Variants in SPOCK1 observed in about 807,000 individuals in gnomAD.
SPOCK1 encodes SPARC (osteonectin), cwcv and kazal like domains proteoglycan 1.
A neutral mutation model predicts 55.3 loss-of-function variants in SPOCK1; 23 were observed. The ratio of observed to expected loss-of-function variants is 0.42; its 90% CI spans 0.30 to 0.59. The LOEUF (loss-of-function observed/expected upper bound fraction) is 0.59, where lower values mean the gene tolerates loss of function less well. SPOCK1 is among the 20% of genes least tolerant of loss of function. The probability of loss-of-function intolerance (pLI) is 0.22; values close to 1 mark genes in which losing one functional copy is unlikely to be tolerated. For synonymous variants in SPOCK1, 226 were observed against 221.0 expected, an observed-to-expected ratio of 1.02 and a Z score of -0.20; for missense variants, 499 against 552.5, an observed-to-expected ratio of 0.90 and a Z score of 0.97.
At chr5:137,110,658 G>T (rs1753450402) in intron 5 of SPOCK1, among the ~76,000 whole-genome samples, 1 of 152,208 alleles carries the variant, frequency 6.6e-6, no homozygotes, top group Non-Finnish European at 1.5e-5. Context: ...GCTGAGATGG[G>T]CTATGGCTAT....
At chr5:137,255,326 G>C (rs987855013) in intron 3 of SPOCK1, among the ~76,000 whole-genome samples, 3 of 152,184 alleles carry the variant, frequency 2.0e-5, no homozygotes, top group Non-Finnish European at 4.4e-5. Context: ...ATAGTGCTCT[G>C]TGTGTCCTTC....
chr5:137,450,945 C>A (rs562406607), intron 2 of SPOCK1, among the ~76,000 whole-genome samples: 1 of 152,278 alleles, frequency 6.6e-6, no homozygotes, highest in South Asian at 2.1e-4. Flanking sequence ...CACAGCTCAT[C>A]TTCCCTGCCC....
chr5:137,167,876 G>T (rs896872889), intron 3 of SPOCK1, among the ~76,000 whole-genome samples: 2 of 151,758 alleles, frequency 1.3e-5, no homozygotes, highest in Non-Finnish European at 2.9e-5. Flanking sequence ...CAAAAAAGAA[G>T]AAAAATGTCA....
intron 2 of SPOCK1, among the ~76,000 whole-genome samples, chr5:137,320,137 A>G (rs1472089362): frequency 1.3e-5 from 2 of 152,226 alleles, no homozygotes; most frequent in Admixed American, 1.3e-4. Context: ...ACAGCTCATG[A>G]TCAAAAAGAA....
chr5:137,430,200 C>T (rs1752715113), intron 2 of SPOCK1, among the ~76,000 whole-genome samples: 1 of 152,254 alleles, frequency 6.6e-6, no homozygotes, highest in Non-Finnish European at 1.5e-5. Context: ...AAAAAGATGA[C>T]ATTGCTGGCT....
chr5:137,479,396 G>C (rs898480732), intron 2 of SPOCK1, among the ~76,000 whole-genome samples: 1 of 152,210 alleles, frequency 6.6e-6, no homozygotes, highest in South Asian at 2.1e-4. Context: ...CTATAGGTGA[G>C]AGGACTTTAG....
chr5:137,201,777 C>T (rs1363262010), intron 3 of SPOCK1, among the ~76,000 whole-genome samples: 4 of 152,186 alleles, frequency 2.6e-5, no homozygotes, highest in African/African-American at 9.6e-5. Flanking sequence ...CTACAGTAAA[C>T]GGTACACACT....
intron 2 of SPOCK1, among the ~76,000 whole-genome samples, chr5:137,317,758 G>A (rs1757906518): frequency 6.6e-6 from 1 of 152,182 alleles, no homozygotes; most frequent in Non-Finnish European, 1.5e-5. Context: ...AAGCATTCAT[G>A]ACAAAAGAGA....
intron 3 of SPOCK1, among the ~76,000 whole-genome samples, chr5:137,237,634 A>G (rs960347174): frequency 4.6e-5 from 7 of 152,244 alleles, no homozygotes; most frequent in African/African-American, 1.7e-4. Context: ...GGAAAGAAGA[A>G]AGAATATTTT....
At chr5:137,275,472 A>T (rs1206674889) in intron 2 of SPOCK1, among the ~76,000 whole-genome samples, 2 of 152,138 alleles carry the variant, frequency 1.3e-5, no homozygotes, top group African/African-American at 4.8e-5. Flanking sequence ...GGGCTTTTCA[A>T]ACTCTGATGC....
At chr5:137,028,472 G>T (rs2126984244) in intron 6 of SPOCK1, among the ~76,000 whole-genome samples, 1 of 152,310 alleles carries the variant, frequency 6.6e-6, no homozygotes, top group Non-Finnish European at 1.5e-5. Context: ...GGAGCAGCAG[G>T]AGTTCCTTGA....
At chr5:137,221,698 G>A (rs10065747) in intron 3 of SPOCK1, among the ~76,000 whole-genome samples, 131,106 of 152,240 alleles carry the variant, frequency 0.86, 56,527 homozygotes, top group African/African-American at 0.91. Flanking sequence ...CTGTAACTAA[G>A]TTCATTTTCT....
At chr5:137,252,724 T>C (rs952056165) in intron 3 of SPOCK1, among the ~76,000 whole-genome samples, 1 of 152,232 alleles carries the variant, frequency 6.6e-6, no homozygotes, top group Admixed American at 6.5e-5. Flanking sequence ...GTTCTAAAAA[T>C]GTAAGAAGTT....
intron 5 of SPOCK1, among the ~76,000 whole-genome samples, chr5:137,111,526 C>T (rs1470049696): frequency 2.0e-5 from 3 of 152,104 alleles, no homozygotes; most frequent in African/African-American, 4.8e-5. Flanking sequence ...ATGTTAGATC[C>T]TCAGGGGATG....
chr5:137,071,389 T>G (rs1752613534), intron 5 of SPOCK1, among the ~76,000 whole-genome samples: 1 of 152,064 alleles, frequency 6.6e-6, no homozygotes, highest in Non-Finnish European at 1.5e-5. Context: ...GAGGGGACCA[T>G]GACAAATACC....
intron 3 of SPOCK1, among the ~76,000 whole-genome samples, chr5:137,160,615 ATAT>A (rs1754527361): frequency 9.2e-5 from 4 of 43,402 alleles, no homozygotes; most frequent in African/African-American, 4.0e-4. Context: ...ATAATATATA[ATAT>A]ATATTTTATA....
chr5:137,384,989 T>C (rs1456849450), intron 2 of SPOCK1, among the ~76,000 whole-genome samples: 1 of 152,156 alleles, frequency 6.6e-6, no homozygotes, highest in Non-Finnish European at 1.5e-5. Flanking sequence ...AGTCCTGCAG[T>C]GTCTATCACA....
intron 3 of SPOCK1, among the ~76,000 whole-genome samples, chr5:137,143,439 T>C (rs1754137042): frequency 6.6e-6 from 1 of 150,812 alleles, no homozygotes; most frequent in South Asian, 2.1e-4. Flanking sequence ...CAAGGCAGAG[T>C]AGCTTCTGGA....
intron 5 of SPOCK1, among the ~76,000 whole-genome samples, chr5:137,083,769 G>A (rs891138719): frequency 6.6e-6 from 1 of 152,106 alleles, no homozygotes; most frequent in Non-Finnish European, 1.5e-5. Context: ...CCAATACCCA[G>A]CCTATGGAGG....
Sources: allele counts gnomAD v4.1 joint callset (sites outside exome capture counted in the v4.1 genomes callset), GRCh38; gene constraint gnomAD v4.1.1; transcripts MANE v1.5; gene names NCBI Gene and HGNC (gene_info 2026-07-23, HGNC 2026-07-21).